The following CDK14 variants were observed in gnomAD, a reference collection of about 807,000 sequenced individuals.
CDK14 encodes cyclin-dependent kinase 14.
Under a neutral mutation model 60.7 loss-of-function variants are expected in CDK14, and 34 were observed. The observed-to-expected ratio is 0.56, with a 90% CI of 0.43 to 0.75. CDK14 has a LOEUF of 0.75. Among genes scored for constraint, CDK14 ranks in the 30% least tolerant of loss-of-function variants. CDK14 has a pLI of 0.00. For missense variants in CDK14, 482 were observed against 564.1 expected (o/e 0.85, Z 1.47); for synonymous variants, 197 against 203.7 (o/e 0.97, Z 0.28).
intron 8 of CDK14, among the ~76,000 whole-genome samples, chr7:90,935,246 A>T (rs1031863448): frequency 4.6e-5 from 7 of 152,182 alleles, no homozygotes; most frequent in African/African-American, 9.6e-5. Flanking sequence ...ACCTGATCAG[A>T]TTTTAAATGT....
chr7:90,649,354 TTCCTTCCTTCCTTTCCTTCCTTCC>T (rs1563029975), intron 2 of CDK14, among the ~76,000 whole-genome samples: 2 of 48,046 alleles, frequency 4.2e-5, no homozygotes, highest in African/African-American at 2.8e-4. Flanking sequence ...CCTTCCTTCC[TTCCTTCCTTCCTTTCCTTCCTTCC>T]TTCCTTCCTT....
At chr7:91,097,822 C>T (rs763490868) in intron 12 of CDK14, among the ~76,000 whole-genome samples, 10 of 152,272 alleles carry the variant, frequency 6.6e-5, no homozygotes, top group South Asian at 6.2e-4. Flanking sequence ...ACATCGCTAG[C>T]ACGTAGTAAA....
intron 6 of CDK14, among the ~76,000 whole-genome samples, chr7:90,887,507 A>G (rs1791983431): frequency 6.6e-6 from 1 of 152,184 alleles, no homozygotes; most frequent in Admixed American, 6.5e-5. Flanking sequence ...TGTGTATAAT[A>G]TACATCTAGC....
At chr7:90,789,904 T>C (rs1265220491) in intron 4 of CDK14, among the ~76,000 whole-genome samples, 3 of 152,078 alleles carry the variant, frequency 2.0e-5, no homozygotes, top group Non-Finnish European at 4.4e-5. Context: ...AATCTTACTT[T>C]TAATTGGCGC....
rs565162756 is a variant in CDK14 at position 90,936,178 on chromosome 7, G to T, written c.826+18454G>T. ...ATATATTTTTCTGTTTTAAAAAAAA[G>T]TTGCTTTATTTTTTTAACAATATAT... On this transcript the variant is annotated intron_variant, in intron 8 of 14. Transcript: ENST00000380050. 6.6e-3 allele frequency among the ~76,000 whole-genome samples: 1,010 copies of T among 152,024 alleles called. 17 individuals are homozygous for T. The highest frequency in any genetic ancestry group is 0.022 in the African/African-American group (929 of 41,454).
chr7:91,196,265 G>C (rs2115968554), intron 14 of CDK14, among the ~76,000 whole-genome samples: 1 of 150,946 alleles, frequency 6.6e-6, no homozygotes. Flanking sequence ...ATACTCCCAT[G>C]ATGGGTGATT....
At chr7:90,628,169 T>C (rs908219434) in intron 2 of CDK14, among the ~76,000 whole-genome samples, 3 of 152,058 alleles carry the variant, frequency 2.0e-5, no homozygotes, top group Non-Finnish European at 2.9e-5. Context: ...GTTGCCCAAG[T>C]TGGTCTTGAA....
At chr7:91,024,852 T>C (rs1465856383) in intron 10 of CDK14, among the ~76,000 whole-genome samples, 1 of 152,158 alleles carries the variant, frequency 6.6e-6, no homozygotes, top group South Asian at 2.1e-4. Context: ...TGATAGGTTG[T>C]CTTTAGTATG....
intron 12 of CDK14, among the ~76,000 whole-genome samples, chr7:91,095,020 T>G (rs1798939688): frequency 6.6e-6 from 1 of 152,186 alleles, no homozygotes; most frequent in African/African-American, 2.4e-5. Flanking sequence ...GAAATTTAAT[T>G]TAGTATCTTG....
intron 2 of CDK14, among the ~76,000 whole-genome samples, chr7:90,707,361 G>C (rs1330923955): frequency 6.6e-6 from 1 of 152,004 alleles, no homozygotes; most frequent in Admixed American, 6.6e-5. Flanking sequence ...TCTTACCTCT[G>C]TTGTTTTTCC....
At position 90,692,687 on chromosome 7, in the gene CDK14, C is replaced by T. The variant is rs951304746; in HGVS notation, c.124-33880C>T. ...CTGTTCTCTGCTTCCTGCCCCAGGACTAGGGGAGGAATAAATTATATATAT... is the reference window on the plus strand; with the variant it reads ...CTGTTCTCTGCTTCCTGCCCCAGGATTAGGGGAGGAATAAATTATATATAT... On this transcript the variant is annotated intron_variant, in intron 2 of 14. Transcript: ENST00000380050. 1.0e-5 allele frequency: 10 copies of T among 973,622 alleles called. No homozygotes were observed. In the Admixed American group the frequency reaches 5.5e-4, roughly 54 times the overall value. 60.3% of individuals were successfully genotyped at this position (973,622 alleles called of 1,614,324 possible).
intron 14 of CDK14, among the ~76,000 whole-genome samples, chr7:91,179,237 A>G (rs1224002615): frequency 1.3e-5 from 2 of 151,710 alleles, no homozygotes; most frequent in African/African-American, 2.4e-5. Context: ...TATCATTCTC[A>G]GTAAACTATC....
intron 5 of CDK14, among the ~76,000 whole-genome samples, chr7:90,826,411 G>C (rs1163409631): frequency 6.6e-6 from 1 of 151,984 alleles, no homozygotes; most frequent in Non-Finnish European, 1.5e-5. Context: ...TAGAGACAGG[G>C]TTTCACCACG....
intron 14 of CDK14, among the ~76,000 whole-genome samples, chr7:91,122,804 A>G (rs541681125): frequency 3.9e-5 from 6 of 152,260 alleles, no homozygotes; most frequent in African/African-American, 1.4e-4. Context: ...TGATTGATGT[A>G]GCCATCATCA....
At chr7:90,982,621 A>G (rs952187942) in intron 9 of CDK14, among the ~76,000 whole-genome samples, 1 of 152,240 alleles carries the variant, frequency 6.6e-6, no homozygotes, top group Non-Finnish European at 1.5e-5. Flanking sequence ...TTGGAAAAGG[A>G]TACTTGAACA....
intron 12 of CDK14, among the ~76,000 whole-genome samples, chr7:91,091,500 T>TA (rs1406254095): frequency 2.7e-5 from 2 of 73,580 alleles, no homozygotes; most frequent in African/African-American, 7.0e-5. Flanking sequence ...GTTTATATAT[T>TA]TTATATATAT....
intron 10 of CDK14, among the ~76,000 whole-genome samples, chr7:91,038,205 C>G (rs776878775): frequency 6.6e-6 from 1 of 152,194 alleles, no homozygotes; most frequent in Non-Finnish European, 1.5e-5. Context: ...GAAGACGACT[C>G]TCTTCTACTT....
At chr7:90,674,924 G>A (rs1801167412) in intron 2 of CDK14, among the ~76,000 whole-genome samples, 1 of 152,204 alleles carries the variant, frequency 6.6e-6, no homozygotes, top group African/African-American at 2.4e-5. Flanking sequence ...TGTCCATCTG[G>A]AATATTTTGA....
intron 11 of CDK14, among the ~76,000 whole-genome samples, chr7:91,077,733 T>C (rs1183126437): frequency 4.5e-5 from 5 of 111,318 alleles, no homozygotes; most frequent in African/African-American, 1.1e-4. Flanking sequence ...GTATACTTAT[T>C]TCACTTTTAT....
Sources: gnomAD v4.1 joint callset for allele counts (sites outside exome capture counted in the v4.1 genomes callset) on GRCh38, gnomAD v4.1.1 for gene constraint, MANE v1.5 for transcripts, NCBI Gene and HGNC (gene_info 2026-07-23, HGNC 2026-07-21) for gene names.